Variants in PCDHGB1 observed in about 807,000 individuals in gnomAD.
PCDHGB1 encodes protocadherin gamma-B1.
PCDHGB1 carries 34 observed loss-of-function variants against 56.6 expected under a neutral mutation model. The observed-to-expected ratio is 0.60, with a 90% CI of 0.46 to 0.80. The LOEUF is 0.80. Among genes scored for constraint, PCDHGB1 ranks in the 30% least tolerant of loss-of-function variants. The pLI is 0.00. For missense variants in PCDHGB1, 1,278 were observed against 1,204.6 expected, an observed-to-expected ratio of 1.06 and a Z score of -0.90; for synonymous variants, 561 against 505.9, an observed-to-expected ratio of 1.11 and a Z score of -1.46.
At chr5:141,369,170 A>G (rs374004034) in intron 1 of PCDHGB1, among the ~76,000 whole-genome samples, 1 of 152,236 alleles carries the variant, frequency 6.6e-6, no homozygotes, top group Non-Finnish European at 1.5e-5. Flanking sequence ...AAAAGTGTAA[A>G]TAACAAAAAG....
intron 1 of PCDHGB1, among the ~76,000 whole-genome samples, chr5:141,442,700 TA>T (rs2098337605): frequency 6.6e-6 from 1 of 152,198 alleles, no homozygotes; most frequent in Non-Finnish European, 1.5e-5. Flanking sequence ...CAGACAAGAG[TA>T]TCAGACATGC....
chr5:141,409,715 G>C (rs2095305446), intron 1 of PCDHGB1: 9 of 1,613,084 alleles, frequency 5.6e-6, no homozygotes, highest in Admixed American at 1.7e-5. Flanking sequence ...GTCGTCATAC[G>C]TGTCAGTGAG....
At chr5:141,439,266 G>A (rs1314903524) in intron 1 of PCDHGB1, among the ~76,000 whole-genome samples, 1 of 151,952 alleles carries the variant, frequency 6.6e-6, no homozygotes, top group Non-Finnish European at 1.5e-5. Context: ...TCAGCCAACA[G>A]TTCATTCTGA....
At chr5:141,497,018 A>G (rs988584487) in intron 2 of PCDHGB1, among the ~76,000 whole-genome samples, 1 of 152,084 alleles carries the variant, frequency 6.6e-6, no homozygotes, top group Non-Finnish European at 1.5e-5. Flanking sequence ...GTGAAACCCC[A>G]TCTCGATTAA....
intron 2 of PCDHGB1, among the ~76,000 whole-genome samples, chr5:141,499,575 T>TCCCTA (rs2099792820): frequency 1.3e-5 from 2 of 152,202 alleles, no homozygotes; most frequent in Non-Finnish European, 2.9e-5. Context: ...CTTCAACTAA[T>TCCCTA]GCCTTATCTT....
intron 1 of PCDHGB1, among the ~76,000 whole-genome samples, chr5:141,461,711 C>A (rs897443905): frequency 1.3e-5 from 2 of 152,112 alleles, no homozygotes; most frequent in African/African-American, 2.4e-5. Flanking sequence ...ACTTTTTTTG[C>A]CCAGGCTGGA....
intron 1 of PCDHGB1, chr5:141,415,739 G>GTTTTT (rs1561759437): frequency 2.3e-6 from 1 of 434,538 alleles, no homozygotes; most frequent in African/African-American, 3.3e-5. Flanking sequence ...TGTTTATTAA[G>GTTTTT]GTTTTTTTTT....
chr5:141,484,962 G>A (rs2099604361), intron 1 of PCDHGB1: 1 of 577,858 alleles, frequency 1.7e-6, no homozygotes, highest in Non-Finnish European at 3.1e-6. Flanking sequence ...GGCTGAGCCC[G>A]GGAGCCGCTG....
At chr5:141,410,302 A>G (rs1332359508) in intron 1 of PCDHGB1, 1 of 1,613,356 alleles carries the variant, frequency 6.2e-7, no homozygotes, top group Non-Finnish European at 8.5e-7. Context: ...CCTTAATCTC[A>G]GTGCTCTTCC....
chr5:141,444,001 C>G (rs2098413288), intron 1 of PCDHGB1, among the ~76,000 whole-genome samples: 1 of 151,914 alleles, frequency 6.6e-6, no homozygotes, highest in Non-Finnish European at 1.5e-5. Flanking sequence ...TTAAATGCTA[C>G]CTGGGTATTG....
intron 2 of PCDHGB1, among the ~76,000 whole-genome samples, chr5:141,500,779 T>C (rs1222392685): frequency 1.3e-5 from 2 of 152,238 alleles, no homozygotes; most frequent in Non-Finnish European, 2.9e-5. Context: ...TGAATATACA[T>C]ATTATTTTAC....
chr5:141,428,446 T>C lies in PCDHGB1; in HGVS notation c.2410-66361T>C, dbSNP rs575475897. On this transcript the variant is annotated intron_variant, in intron 1 of 3. Coordinates refer to ENST00000523390, the MANE Select transcript of PCDHGB1 (RefSeq NM_018922.3). The stretch of plus-strand genomic sequence containing the variant: ...CTGTTCTAAGACTAGACCAGGGGTT[T>C]TTCCCAACTACAATGAGGGAACTTT... 4.2e-5 allele frequency: 16 copies of C among 378,218 alleles called. No homozygotes were observed. The East Asian group carries it at 8.8e-4, about 21-fold the overall frequency. 23.4% of individuals were successfully genotyped at this position (378,218 alleles called of 1,614,324 possible). A position where few individuals can be genotyped will look rare whatever the true frequency, so the allele number is the denominator to read the frequency against.
At chr5:141,388,448 C>T in intron 1 of PCDHGB1, 1 of 1,613,760 alleles carries the variant, frequency 6.2e-7, no homozygotes, top group Non-Finnish European at 8.5e-7. Context: ...AATCAGATGG[C>T]AGTAAATACC....
chr5:141,400,736 G>A, intron 1 of PCDHGB1: 1 of 630,462 alleles, frequency 1.6e-6, no homozygotes, highest in Non-Finnish European at 2.7e-6. Context: ...AGTAGTGAGA[G>A]TTTGCTCTTA....
intron 1 of PCDHGB1, chr5:141,388,777 A>C: frequency 6.2e-7 from 1 of 1,613,964 alleles, no homozygotes; most frequent in South Asian, 1.1e-5. Flanking sequence ...AACACCGGGG[A>C]AATTACTGTT....
At chr5:141,449,920 A>G (rs1287640011) in intron 1 of PCDHGB1, among the ~76,000 whole-genome samples, 1 of 151,842 alleles carries the variant, frequency 6.6e-6, no homozygotes, top group East Asian at 1.9e-4. Context: ...TTTAAATTCT[A>G]CCATACCTTA....
intron 1 of PCDHGB1, chr5:141,404,839 T>C: frequency 6.2e-7 from 1 of 1,613,458 alleles, no homozygotes; most frequent in Non-Finnish European, 8.5e-7. Context: ...TGCGCACAGC[T>C]CGGGCCCTGC....
At chr5:141,375,304 T>C (rs1436249937) in intron 1 of PCDHGB1, 4 of 1,613,762 alleles carry the variant, frequency 2.5e-6, no homozygotes, top group Non-Finnish European at 3.4e-6. Flanking sequence ...TAGTGACAAA[T>C]GCAGCTCTAG....
chr5:141,414,578 A>G, intron 1 of PCDHGB1: 1 of 1,613,960 alleles, frequency 6.2e-7, no homozygotes, highest in Non-Finnish European at 8.5e-7. Context: ...ATCCCAGAGA[A>G]CAACGCCAGG....
Sources: allele counts gnomAD v4.1 joint callset (sites outside exome capture counted in the v4.1 genomes callset), GRCh38; gene constraint gnomAD v4.1.1; transcripts MANE v1.5; gene names NCBI Gene and HGNC (gene_info 2026-07-23, HGNC 2026-07-21).